ENTREP2: variants seen among roughly 807,000 people sequenced by gnomAD.
The protein encoded by ENTREP2 is protein ENTREP2.
At chr15:29,390,644 C>A in the ENTREP2 span, among the ~76,000 whole-genome samples, 1 of 152,154 alleles carries the variant, frequency 6.6e-6, no homozygotes, top group Non-Finnish European at 1.5e-5. Flanking sequence ...ATAATGGCAT[C>A]CTTAGAGTCA....
At chr15:29,370,274 GAAAAT>G in the ENTREP2 span, among the ~76,000 whole-genome samples, 3 of 152,092 alleles carry the variant, frequency 2.0e-5, no homozygotes, top group African/African-American at 7.2e-5. Context: ...GTAAAAAGTA[GAAAAT>G]AATATACTGT....
At chr15:29,293,282 C>T in the ENTREP2 span, among the ~76,000 whole-genome samples, 8 of 151,944 alleles carry the variant, frequency 5.3e-5, no homozygotes, top group East Asian at 1.9e-4. Context: ...GACGGAGTCT[C>T]GCTCTGTCCC....
the ENTREP2 span, among the ~76,000 whole-genome samples, chr15:29,260,208 G>A: frequency 6.6e-6 from 1 of 152,166 alleles, no homozygotes; most frequent in East Asian, 1.9e-4. Context: ...GAAGGAGAGG[G>A]AGCACTTCCT....
the ENTREP2 span, among the ~76,000 whole-genome samples, chr15:29,230,527 C>T: frequency 6.6e-6 from 1 of 151,578 alleles, no homozygotes; most frequent in Non-Finnish European, 1.5e-5. Context: ...TTGACAAATG[C>T]AATGAAGAAA....
the ENTREP2 span, among the ~76,000 whole-genome samples, chr15:29,322,126 T>A: frequency 1.6e-4 from 25 of 152,320 alleles, no homozygotes; most frequent in African/African-American, 2.9e-4. Context: ...CTTATTTTTT[T>A]AAAAATTTGA....
the ENTREP2 span, among the ~76,000 whole-genome samples, chr15:29,138,194 T>C: frequency 1.3e-5 from 2 of 151,538 alleles, no homozygotes; most frequent in South Asian, 4.2e-4. Flanking sequence ...ACTTCATGAG[T>C]TCCAGAACAT....
At chr15:29,479,246 AC>A in the ENTREP2 span, among the ~76,000 whole-genome samples, 1 of 142,958 alleles carries the variant, frequency 7.0e-6, no homozygotes, top group Non-Finnish European at 1.5e-5. Context: ...CACCTCTCCG[AC>A]CCCCGCTCCT....
At chr15:29,216,427 C>T in the ENTREP2 span, among the ~76,000 whole-genome samples, 3 of 152,160 alleles carry the variant, frequency 2.0e-5, no homozygotes, top group Non-Finnish European at 4.4e-5. Context: ...TTTGGATAAC[C>T]TGATGACAAT....
chr15:29,347,100 G>A, the ENTREP2 span, among the ~76,000 whole-genome samples: 1 of 152,188 alleles, frequency 6.6e-6, no homozygotes, highest in Admixed American at 6.5e-5. Context: ...CTGTTTAAAT[G>A]CAATCCAAAC....
At chr15:29,674,333 A>G in the ENTREP2 span, among the ~76,000 whole-genome samples, 4 of 151,996 alleles carry the variant, frequency 2.6e-5, no homozygotes. Flanking sequence ...GCAGTGGCGC[A>G]ATCTCAGCTC....
the ENTREP2 span, among the ~76,000 whole-genome samples, chr15:29,502,800 C>T: frequency 3.3e-5 from 5 of 151,876 alleles, no homozygotes; most frequent in African/African-American, 7.2e-5. Flanking sequence ...AAAAATTTCT[C>T]GTAAGAAGAT....
At chr15:29,229,655 T>C in the ENTREP2 span, among the ~76,000 whole-genome samples, 53,949 of 151,938 alleles carry the variant, frequency 0.36, 10,388 homozygotes, top group East Asian at 0.6. Context: ...ACCTGTCCCT[T>C]CTTGTACTTG....
chr15:29,557,926 T>C, the ENTREP2 span, among the ~76,000 whole-genome samples: 1 of 152,200 alleles, frequency 6.6e-6, no homozygotes, highest in African/African-American at 2.4e-5. Flanking sequence ...CCTGGATAAC[T>C]GCAATGGGTA....
At chr15:29,139,940 C>T in the ENTREP2 span, among the ~76,000 whole-genome samples, 2 of 152,174 alleles carry the variant, frequency 1.3e-5, no homozygotes, top group Non-Finnish European at 2.9e-5. Flanking sequence ...CTGCAGACTA[C>T]GCTTCCCAGG....
chr15:29,132,646 A>C, the ENTREP2 span, among the ~76,000 whole-genome samples: 1 of 152,344 alleles, frequency 6.6e-6, no homozygotes, highest in South Asian at 2.1e-4. Context: ...TGGTTTCAGA[A>C]CCAGCCAGAT....
chr15:29,206,920 C>T, the ENTREP2 span, among the ~76,000 whole-genome samples: 1 of 152,186 alleles, frequency 6.6e-6, no homozygotes, highest in Non-Finnish European at 1.5e-5. Flanking sequence ...ACACACGTGT[C>T]ACCAACATCG....
the ENTREP2 span, among the ~76,000 whole-genome samples, chr15:29,392,112 G>A: frequency 2.0e-5 from 3 of 151,940 alleles, no homozygotes; most frequent in East Asian, 5.8e-4. Flanking sequence ...ACAGGCGTGA[G>A]CCACTGTGCC....
chr15:29,564,745 C>T, the ENTREP2 span, among the ~76,000 whole-genome samples: 16,712 of 152,212 alleles, frequency 0.11, 916 homozygotes, highest in Middle Eastern at 0.2. Flanking sequence ...TCCCCTGAGG[C>T]CACTGCGGCT....
At chr15:29,170,173 T>C in the ENTREP2 span, among the ~76,000 whole-genome samples, 1 of 151,748 alleles carries the variant, frequency 6.6e-6, no homozygotes, top group Non-Finnish European at 1.5e-5. Context: ...CCAGGCGTGG[T>C]GGCGGGTGCT....
Sources: allele counts gnomAD v4.1 joint callset (sites outside exome capture counted in the v4.1 genomes callset), GRCh38; gene constraint gnomAD v4.1.1; transcripts MANE v1.5; gene names NCBI Gene and HGNC (gene_info 2026-07-23, HGNC 2026-07-21).